Variants in SCGB2B2 observed in about 807,000 individuals in gnomAD.
SCGB2B2 encodes secretoglobin family 2B member 2, also known as secretoglobin-like protein.
A neutral mutation model predicts 7.6 loss-of-function variants in SCGB2B2; 11 were observed. The ratio of observed to expected loss-of-function variants is 1.45; its 90% confidence interval spans 0.91 to 2.40. The LOEUF (loss-of-function observed/expected upper bound fraction) is 2.40, where lower values mean the gene tolerates loss of function less well. SCGB2B2 is among the 30% of genes most tolerant of loss of function. SCGB2B2 has a pLI of 0.00. For synonymous variants in SCGB2B2, 50 were observed against 48.6 expected (o/e 1.03, Z -0.12); for missense variants, 104 against 115.4 (o/e 0.90, Z 0.45).
chr19:34,593,673 G>T, intron 3 of SCGB2B2, 74 bp from the exon 4 acceptor site: 1 of 1,272,706 alleles, frequency 7.9e-7, no homozygotes. Context: ...TTATTGCCCG[G>T]TCCCCGAGCT....
At chr19:34,618,837 G>T (rs2066162637) in intron 1 of SCGB2B2, among the ~76,000 whole-genome samples, 1 of 152,186 alleles carries the variant, frequency 6.6e-6, no homozygotes, top group Admixed American at 6.5e-5. Flanking sequence ...TCAGGATGAG[G>T]ATAGAGCTGC....
At chr19:34,670,422 A>C (rs1392969204) in intron 1 of SCGB2B2, among the ~76,000 whole-genome samples, 3 of 152,292 alleles carry the variant, frequency 2.0e-5, no homozygotes, top group South Asian at 4.1e-4. Flanking sequence ...GTCAGTCTTT[A>C]ATTTTCACTA....
At chr19:34,643,615 T>C (rs941628738) in intron 1 of SCGB2B2, among the ~76,000 whole-genome samples, 6 of 152,206 alleles carry the variant, frequency 3.9e-5, no homozygotes, top group African/African-American at 1.4e-4. Context: ...CTCCAAGCGA[T>C]GGACCCTTCA....
chr19:34,630,707 G>A (rs754710649), intron 1 of SCGB2B2, among the ~76,000 whole-genome samples: 2 of 152,132 alleles, frequency 1.3e-5, no homozygotes, highest in African/African-American at 4.8e-5. Context: ...TCGGTGTGGC[G>A]ATTCCTCAGG....
downstream of SCGB2B2, among the ~76,000 whole-genome samples, chr19:34,586,667 T>C (rs1009489540): frequency 1.3e-5 from 2 of 152,238 alleles, no homozygotes. Context: ...TTTATTTCCA[T>C]GAGTTTTGAC....
At chr19:34,670,282 C>G (rs113069897) in intron 1 of SCGB2B2, among the ~76,000 whole-genome samples, 4 of 152,152 alleles carry the variant, frequency 2.6e-5, no homozygotes, top group Admixed American at 2.6e-4. Flanking sequence ...TACACCAAGT[C>G]GCAGAGTAAG....
chr19:34,661,829 AT>A (rs71165678), intron 1 of SCGB2B2, among the ~76,000 whole-genome samples: 20,405 of 147,690 alleles, frequency 0.14, 1,569 homozygotes, highest in Middle Eastern at 0.24. Flanking sequence ...TTTTTCTGTG[AT>A]TTTTTTTTTT....
chr19:34,638,824 T>C (rs1316734981), intron 1 of SCGB2B2, among the ~76,000 whole-genome samples: 2 of 152,194 alleles, frequency 1.3e-5, no homozygotes, highest in African/African-American at 4.8e-5. Context: ...TTGGGTCTTC[T>C]GGAAATGATA....
chr19:34,644,157 C>A (rs1467042206), intron 1 of SCGB2B2, among the ~76,000 whole-genome samples: 1 of 152,074 alleles, frequency 6.6e-6, no homozygotes, highest in African/African-American at 2.4e-5. Flanking sequence ...CTAAATCTTC[C>A]ACTTCATCTG....
At chr19:34,665,644 C>G (rs925350907) in intron 1 of SCGB2B2, among the ~76,000 whole-genome samples, 1 of 152,152 alleles carries the variant, frequency 6.6e-6, no homozygotes, top group Non-Finnish European at 1.5e-5. Context: ...CCCCTCATGG[C>G]AGTTGAGGGC....
At chr19:34,668,862 C>T (rs2067718334) in intron 1 of SCGB2B2, among the ~76,000 whole-genome samples, 1 of 152,122 alleles carries the variant, frequency 6.6e-6, no homozygotes, top group Non-Finnish European at 1.5e-5. Context: ...AAACAGACGG[C>T]TCGGCTCTCT....
intron 1 of SCGB2B2, among the ~76,000 whole-genome samples, chr19:34,649,069 A>AT (rs1157931017): frequency 1.3e-5 from 2 of 152,000 alleles, no homozygotes; most frequent in African/African-American, 2.4e-5. Flanking sequence ...CACCCAGCTG[A>AT]TTTTTTGTAT....
chr19:34,602,329 T>C (rs116102855), intron 1 of SCGB2B2, among the ~76,000 whole-genome samples: 2,654 of 152,308 alleles, frequency 0.017, 85 homozygotes, highest in African/African-American at 0.059. Flanking sequence ...TTATATATAA[T>C]CTCATTGACT....
intron 1 of SCGB2B2, among the ~76,000 whole-genome samples, chr19:34,615,184 G>A (rs1257738229): frequency 2.0e-5 from 3 of 152,148 alleles, no homozygotes; most frequent in Non-Finnish European, 4.4e-5. Context: ...TGCAATAGCT[G>A]TATGGGCCAC....
chr19:34,617,988 G>A (rs2066135522), intron 1 of SCGB2B2, among the ~76,000 whole-genome samples: 1 of 152,164 alleles, frequency 6.6e-6, no homozygotes, highest in African/African-American at 2.4e-5. Flanking sequence ...GCCCTGCTTC[G>A]GCTCGTGCAC....
intron 1 of SCGB2B2, among the ~76,000 whole-genome samples, chr19:34,666,909 G>A (rs925571885): frequency 6.6e-6 from 1 of 151,988 alleles, no homozygotes; most frequent in Non-Finnish European, 1.5e-5. Flanking sequence ...CGCAGCTCGT[G>A]ACCGTCATGA....
At chr19:34,614,295 G>A (rs1426127406) in intron 1 of SCGB2B2, among the ~76,000 whole-genome samples, 1 of 150,998 alleles carries the variant, frequency 6.6e-6, no homozygotes, top group African/African-American at 2.4e-5. Context: ...TTTTTTCACT[G>A]TTTTTCACTC....
At chr19:34,589,413 A>G (rs1249352070), downstream of SCGB2B2, among the ~76,000 whole-genome samples, 1 of 152,104 alleles carries the variant, frequency 6.6e-6, no homozygotes, top group African/African-American at 2.4e-5. Flanking sequence ...GAGTCCTGGG[A>G]GGCCCCTGGA....
rs1286228193 is a variant in SCGB2B2 at position 34,593,096 on chromosome 19, TG to T, written c.*458del. Among the ~76,000 whole-genome samples, 1 of 151,978 alleles carries T rather than the reference TG, an allele frequency of 6.6e-6. No individual in the cohort carries two copies. Among genetic ancestry groups the T allele is most frequent in the African/African-American group, 2.4e-5 (1 of 41,350 alleles). On this transcript the variant is annotated 3_prime_UTR_variant, in exon 4 of 4. Coordinates refer to ENST00000601241, the MANE Select transcript of SCGB2B2 (RefSeq NM_001025591.4). ...CTAGCACGTTGGAGGTTGAGGTAGGTGGATCATTTGCGGTCAGGAGTTTGAG... is the reference window on the plus strand; with the variant it reads ...CTAGCACGTTGGAGGTTGAGGTAGGTGATCATTTGCGGTCAGGAGTTTGAG...
Sources: gnomAD v4.1 joint callset for allele counts (sites outside exome capture counted in the v4.1 genomes callset) on GRCh38, gnomAD v4.1.1 for gene constraint, MANE v1.5 for transcripts, NCBI Gene and HGNC (gene_info 2026-07-23, HGNC 2026-07-21) for gene names.